The following SLC24A3 variants were observed in gnomAD, a reference collection of about 807,000 sequenced individuals.
SLC24A3 encodes solute carrier family 24 member 3.
A neutral mutation model predicts 75.8 loss-of-function variants in SLC24A3; 28 were observed. The observed-to-expected ratio is 0.37, with a 90% CI of 0.27 to 0.51. The LOEUF (loss-of-function observed/expected upper bound fraction) is 0.51, where lower values mean the gene tolerates loss of function less well. Among genes scored for constraint, SLC24A3 ranks in the 20% least tolerant of loss-of-function variants. SLC24A3 has a pLI of 0.94. For missense variants in SLC24A3, 663 were observed against 847.8 expected (o/e 0.78, Z 2.71); for synonymous variants, 372 against 334.1 (o/e 1.11, Z -1.24).
At chr20:19,374,659 T>C (rs1986050403) in intron 2 of SLC24A3, among the ~76,000 whole-genome samples, 1 of 152,216 alleles carries the variant, frequency 6.6e-6, no homozygotes, top group Non-Finnish European at 1.5e-5. Flanking sequence ...AAGGCACTCT[T>C]TTCTCAATGT....
At chr20:19,485,150 C>G (rs1238205125) in intron 2 of SLC24A3, among the ~76,000 whole-genome samples, 1 of 152,050 alleles carries the variant, frequency 6.6e-6, no homozygotes, top group Non-Finnish European at 1.5e-5. Flanking sequence ...AGCACTTTTA[C>G]CCATCAATTT....
At chr20:19,400,089 A>G (rs1280494314) in intron 2 of SLC24A3, among the ~76,000 whole-genome samples, 1 of 152,118 alleles carries the variant, frequency 6.6e-6, no homozygotes, top group African/African-American at 2.4e-5. Context: ...TCGTGGCTCT[A>G]ATTCTATCAT....
chr20:19,438,451 C>T (rs1987243239), intron 2 of SLC24A3, among the ~76,000 whole-genome samples: 1 of 152,180 alleles, frequency 6.6e-6, no homozygotes, highest in Non-Finnish European at 1.5e-5. Flanking sequence ...GGCCTCTATA[C>T]AGGACATCCC....
At chr20:19,691,301 A>G (rs1016805604) in intron 12 of SLC24A3, among the ~76,000 whole-genome samples, 8 of 152,230 alleles carry the variant, frequency 5.3e-5, no homozygotes, top group African/African-American at 1.7e-4. Context: ...AGATTCTGCC[A>G]TGAGAAGATC....
chr20:19,239,171 T>G (rs1485674454), intron 1 of SLC24A3, among the ~76,000 whole-genome samples: 1 of 151,416 alleles, frequency 6.6e-6, no homozygotes, highest in African/African-American at 2.4e-5. Context: ...TTTCCAAAAT[T>G]ACTGTGTCTT....
chr20:19,620,979 T>C (rs1302766152), intron 6 of SLC24A3, among the ~76,000 whole-genome samples: 1 of 152,212 alleles, frequency 6.6e-6, no homozygotes, highest in Non-Finnish European at 1.5e-5. Context: ...AGTAAAACTC[T>C]CCAAGCTGCC....
chr20:19,356,852 TTAATAA>T (rs11275262), intron 2 of SLC24A3, among the ~76,000 whole-genome samples: 4 of 149,818 alleles, frequency 2.7e-5, no homozygotes, highest in African/African-American at 5.0e-5. Context: ...AGACTTTGCA[TTAATAA>T]TAATAATAAT....
rs1277961883 is a variant in SLC24A3, at chr20:19,417,313, T to C, written c.272-98175T>C. Reference sequence around the variant, plus strand: ...TTGGTTAAACATAGTGCATTATATATGTGTTTATCTTTGTTCTCTCCAAAA... The same window carrying C: ...TTGGTTAAACATAGTGCATTATATACGTGTTTATCTTTGTTCTCTCCAAAA... On this transcript the variant is annotated intron_variant, in intron 2 of 16. Transcript: ENST00000328041. Among the ~76,000 whole-genome samples, 2 of 152,226 alleles carry C rather than the reference T, an allele frequency of 1.3e-5. 1 individual carries two copies. Among genetic ancestry groups the C allele is most frequent in the East Asian group, 3.8e-4 (2 of 5,204 alleles).
At chr20:19,281,631 A>C (rs1424266740) in intron 2 of SLC24A3, among the ~76,000 whole-genome samples, 1 of 152,064 alleles carries the variant, frequency 6.6e-6, no homozygotes, top group Non-Finnish European at 1.5e-5. Flanking sequence ...ACTAAACAGA[A>C]AAAGAAAACA....
intron 3 of SLC24A3, among the ~76,000 whole-genome samples, chr20:19,563,406 G>C (rs182555398): frequency 6.6e-6 from 1 of 152,148 alleles, no homozygotes; most frequent in South Asian, 2.1e-4. Context: ...ACAATGAAAG[G>C]AAAATGGGAG....
At chr20:19,533,541 C>T (rs2030342306) in intron 3 of SLC24A3, among the ~76,000 whole-genome samples, 1 of 151,778 alleles carries the variant, frequency 6.6e-6, no homozygotes, top group Non-Finnish European at 1.5e-5. Flanking sequence ...GTGAAGGGGT[C>T]AAGGAAGGGT....
At chr20:19,322,570 T>C (rs1376074059) in intron 2 of SLC24A3, among the ~76,000 whole-genome samples, 1 of 152,216 alleles carries the variant, frequency 6.6e-6, no homozygotes, top group Non-Finnish European at 1.5e-5. Context: ...GTGGGTATTT[T>C]TGACTTTCAA....
intron 2 of SLC24A3, among the ~76,000 whole-genome samples, chr20:19,445,663 T>G (rs983640829): frequency 2.0e-5 from 3 of 152,236 alleles, no homozygotes; most frequent in Non-Finnish European, 2.9e-5. Context: ...CCATCAGCCA[T>G]TAGTTAAGAG....
chr20:19,221,205 G>A (rs6045919), intron 1 of SLC24A3, among the ~76,000 whole-genome samples: 14,051 of 152,092 alleles, frequency 0.092, 1,106 homozygotes, highest in African/African-American at 0.22. Context: ...TTACAGGTGC[G>A]AGCCCTCACA....
At chr20:19,531,910 GC>G (rs1013029989) in intron 3 of SLC24A3, among the ~76,000 whole-genome samples, 5 of 152,106 alleles carry the variant, frequency 3.3e-5, no homozygotes, top group African/African-American at 2.4e-5. Context: ...TAAATGAGTT[GC>G]CCCCCCATGA....
At position 19,381,803 on chromosome 20, in the gene SLC24A3, T is replaced by C. The variant is rs192713536; in HGVS notation, c.271+100716T>C. ...ATGTCTTGAGATTTTAAGCAAGGTG[T>C]AGTATTATCGTATGTCTCTTCTGAC... On this transcript the variant is annotated intron_variant, in intron 2 of 16. Coordinates refer to ENST00000328041, the MANE Select transcript of SLC24A3 (RefSeq NM_020689.4). 1.0e-3 allele frequency among the ~76,000 whole-genome samples: 154 copies of C among 152,180 alleles called. 3 individuals carry two copies. The highest frequency in any genetic ancestry group is 3.3e-3 in the African/African-American group (137 of 41,444).
intron 2 of SLC24A3, among the ~76,000 whole-genome samples, chr20:19,346,211 ATGGTGTATATG>A (rs1367856827): frequency 1.8e-4 from 17 of 96,106 alleles, no homozygotes; most frequent in African/African-American, 1.1e-3. Flanking sequence ...GTATATATAT[ATGGTGTATATG>A]TATATATGGT....
chr20:19,366,561 G>T (rs971678250), intron 2 of SLC24A3, among the ~76,000 whole-genome samples: 1 of 152,012 alleles, frequency 6.6e-6, no homozygotes, highest in Non-Finnish European at 1.5e-5. Context: ...TTCTGTCCCC[G>T]AAAACCACTG....
At chr20:19,620,747 A>T (rs904435870) in intron 6 of SLC24A3, among the ~76,000 whole-genome samples, 16 of 152,274 alleles carry the variant, frequency 1.1e-4, no homozygotes, top group African/African-American at 3.9e-4. Context: ...TGGGAGAGAG[A>T]TGAGAAAGGA....
Sources: gnomAD v4.1 joint callset for allele counts (sites outside exome capture counted in the v4.1 genomes callset) on GRCh38, gnomAD v4.1.1 for gene constraint, MANE v1.5 for transcripts, NCBI Gene and HGNC (gene_info 2026-07-23, HGNC 2026-07-21) for gene names.